The following RANBP2 variants were observed in gnomAD, a reference collection of about 807,000 sequenced individuals.
RANBP2 encodes the protein RAN binding protein 2.
A neutral mutation model predicts 303.6 loss-of-function variants in RANBP2; 57 were observed. The observed-to-expected ratio is 0.19, with a 90% CI of 0.15 to 0.23. The LOEUF is 0.23. RANBP2 is among the 10% of genes least tolerant of loss of function. RANBP2 has a pLI of 1.00. For missense variants in RANBP2, 3,138 were observed against 3,780.8 expected (o/e 0.83, Z 4.46); for synonymous variants, 1,167 against 1,301.5 (o/e 0.90, Z 2.23).
At chr2:109,030,963 TAC>T in the RANBP2 span, among the ~76,000 whole-genome samples, 1 of 152,162 alleles carries the variant, frequency 6.6e-6, no homozygotes, top group Non-Finnish European at 1.5e-5. Flanking sequence ...TCATAACTAG[TAC>T]ACAGACTAAC....
chr2:108,914,945 C>T, the RANBP2 span, among the ~76,000 whole-genome samples: 6 of 152,238 alleles, frequency 3.9e-5, no homozygotes, highest in East Asian at 5.8e-4. Context: ...CAAGGTCTCA[C>T]TCTGTCACCC....
At chr2:109,181,580 C>T in the RANBP2 span, among the ~76,000 whole-genome samples, 1 of 152,188 alleles carries the variant, frequency 6.6e-6, no homozygotes, top group Admixed American at 6.5e-5. Flanking sequence ...CACCAGATTC[C>T]TCTTTATTAA....
the RANBP2 span, among the ~76,000 whole-genome samples, chr2:109,374,826 C>T: frequency 6.6e-6 from 1 of 152,240 alleles, no homozygotes; most frequent in Non-Finnish European, 1.5e-5. Flanking sequence ...CTCACCTCGC[C>T]TGGCCTCACC....
chr2:108,790,976 G>A, the RANBP2 span, among the ~76,000 whole-genome samples: 1 of 151,954 alleles, frequency 6.6e-6, no homozygotes, highest in Non-Finnish European at 1.5e-5. Context: ...TGTCCAGGCT[G>A]ATCTTGAACT....
chr2:109,153,375 TG>T, the RANBP2 span, among the ~76,000 whole-genome samples: 1 of 152,204 alleles, frequency 6.6e-6, no homozygotes, highest in African/African-American at 2.4e-5. Context: ...TTTGTATTTT[TG>T]CTGAGGTTTG....
chr2:109,260,260 T>TGA, the RANBP2 span, among the ~76,000 whole-genome samples: 1 of 152,154 alleles, frequency 6.6e-6, no homozygotes, highest in Non-Finnish European at 1.5e-5. Flanking sequence ...CCATGCAAAC[T>TGA]GACGCCTAAA....
chr2:109,743,292 CAT>C, the RANBP2 span, among the ~76,000 whole-genome samples: 28,073 of 147,632 alleles, frequency 0.19, 3,800 homozygotes, highest in East Asian at 0.36. Context: ...AAAATCTAGA[CAT>C]AGACCTTACA....
the RANBP2 span, chr2:109,574,778 A>G: frequency 8.3e-6 from 13 of 1,558,124 alleles, no homozygotes; most frequent in South Asian, 1.2e-5. Flanking sequence ...CTGAAAAATT[A>G]TTTAAATGTT....
chr2:109,426,155 C>T, the RANBP2 span, among the ~76,000 whole-genome samples: 3 of 152,168 alleles, frequency 2.0e-5, no homozygotes, highest in Non-Finnish European at 4.4e-5. Context: ...GTGATCCGTC[C>T]GCCTTGGCCT....
the RANBP2 span, among the ~76,000 whole-genome samples, chr2:109,528,560 T>C: frequency 6.6e-6 from 1 of 151,730 alleles, no homozygotes; most frequent in African/African-American, 2.4e-5. Flanking sequence ...ACAGTAACTC[T>C]GGCAACTCTG....
chr2:109,648,424 C>T, the RANBP2 span, among the ~76,000 whole-genome samples: 1 of 151,864 alleles, frequency 6.6e-6, no homozygotes, highest in African/African-American at 2.4e-5. Context: ...AATCTCGGCT[C>T]ACTGCAACCT....
chr2:109,574,620 C>T, the RANBP2 span: 2 of 1,604,414 alleles, frequency 1.2e-6, no homozygotes, highest in South Asian at 2.2e-5. Context: ...GATCAAGTGT[C>T]TTCAGAGAGT....
the RANBP2 span, among the ~76,000 whole-genome samples, chr2:108,992,063 G>A: frequency 6.6e-5 from 10 of 152,172 alleles, no homozygotes; most frequent in Non-Finnish European, 1.2e-4. Context: ...GCCTCCCAAA[G>A]TGCTGGGACT....
At chr2:109,089,254 A>G in the RANBP2 span, among the ~76,000 whole-genome samples, 1 of 152,094 alleles carries the variant, frequency 6.6e-6, no homozygotes, top group Non-Finnish European at 1.5e-5. Context: ...ACCAACTGGG[A>G]TTTTTTTCTG....
chr2:109,679,779 C>T, the RANBP2 span, among the ~76,000 whole-genome samples: 1 of 152,178 alleles, frequency 6.6e-6, no homozygotes, highest in African/African-American at 2.4e-5. Flanking sequence ...GGAGGAAAGG[C>T]TGGAGCCTTG....
the RANBP2 span, among the ~76,000 whole-genome samples, chr2:109,184,950 C>T: frequency 6.6e-6 from 1 of 152,190 alleles, no homozygotes; most frequent in African/African-American, 2.4e-5. Context: ...TTTATTTCCA[C>T]CTGAAAAATA....
At chr2:108,996,523 G>A in the RANBP2 span, among the ~76,000 whole-genome samples, 1 of 152,202 alleles carries the variant, frequency 6.6e-6, no homozygotes, top group Non-Finnish European at 1.5e-5. Flanking sequence ...TATGCGCCAT[G>A]GACTTCAACA....
the RANBP2 span, among the ~76,000 whole-genome samples, chr2:109,531,530 T>A: frequency 6.6e-6 from 1 of 152,238 alleles, no homozygotes; most frequent in Admixed American, 6.5e-5. Context: ...ATATGCATCG[T>A]GGCCCTAATC....
the RANBP2 span, among the ~76,000 whole-genome samples, chr2:108,885,699 T>C: frequency 6.6e-6 from 1 of 152,212 alleles, no homozygotes; most frequent in Non-Finnish European, 1.5e-5. Flanking sequence ...GAACATTGAA[T>C]TTTTTCCTTC....
Sources: gnomAD v4.1 joint callset for allele counts (sites outside exome capture counted in the v4.1 genomes callset) on GRCh38, gnomAD v4.1.1 for gene constraint, MANE v1.5 for transcripts, NCBI Gene and HGNC (gene_info 2026-07-23, HGNC 2026-07-21) for gene names.